MMP16: variants seen among roughly 807,000 people sequenced by gnomAD.
MMP16 encodes matrix metallopeptidase 16, also known as matrix metalloproteinase-16.
Under a neutral mutation model 67.8 loss-of-function variants are expected in MMP16, and 12 were observed. The ratio of observed to expected loss-of-function variants is 0.18; its 90% CI spans 0.11 to 0.29. MMP16 has a LOEUF of 0.29. MMP16 is among the 10% of genes least tolerant of loss of function. MMP16 has a pLI of 1.00. For missense variants in MMP16, 475 were observed against 765.7 expected, an observed-to-expected ratio of 0.62 and a Z score of 4.48; for synonymous variants, 249 against 255.9, an observed-to-expected ratio of 0.97 and a Z score of 0.26.
intron 3 of MMP16, among the ~76,000 whole-genome samples, chr8:88,175,535 T>C (rs1808873186): frequency 1.3e-5 from 2 of 152,322 alleles, no homozygotes; most frequent in South Asian, 4.1e-4. Flanking sequence ...CTCCATAGTC[T>C]TGTCAGCGCA....
chr8:88,104,282 A>G (rs1187250015), intron 6 of MMP16, among the ~76,000 whole-genome samples: 1 of 151,728 alleles, frequency 6.6e-6, no homozygotes, highest in Non-Finnish European at 1.5e-5. Flanking sequence ...CATAAAATCT[A>G]ATATTTTAAT....
intron 1 of MMP16, among the ~76,000 whole-genome samples, chr8:88,268,746 G>C (rs1349134837): frequency 6.6e-6 from 1 of 152,200 alleles, no homozygotes. Context: ...ACATCTATAC[G>C]GATGCACTGT....
chr8:88,186,349 T>TTAA (rs1174477571), intron 3 of MMP16, 127 bp downstream of exon 3: 119 of 1,258,584 alleles, frequency 9.5e-5, no homozygotes, highest in Non-Finnish European at 1.3e-4. Context: ...ATTTTAAATC[T>TTAA]CTTATGTTAA....
At chr8:88,235,250 G>C (rs568878822) in intron 1 of MMP16, among the ~76,000 whole-genome samples, 5 of 151,986 alleles carry the variant, frequency 3.3e-5, no homozygotes, top group Non-Finnish European at 7.4e-5. Context: ...AAATTAGCCA[G>C]GCATGGTGGT....
chr8:88,228,361 C>T (rs151028864), intron 1 of MMP16, among the ~76,000 whole-genome samples: 14 of 151,986 alleles, frequency 9.2e-5, no homozygotes, highest in South Asian at 4.2e-4. Context: ...AACTGCAGAA[C>T]GATTAAAATG....
chr8:88,260,246 A>C (rs1309963355), intron 1 of MMP16, among the ~76,000 whole-genome samples: 1 of 152,180 alleles, frequency 6.6e-6, no homozygotes, highest in African/African-American at 2.4e-5. Flanking sequence ...TGTCATTCCT[A>C]TGAAACAGTT....
chr8:88,210,745 CT>C (rs1563563313), intron 1 of MMP16, among the ~76,000 whole-genome samples: 3 of 152,070 alleles, frequency 2.0e-5, no homozygotes, highest in African/African-American at 7.2e-5. Flanking sequence ...AGGTTTTTAT[CT>C]TTGTCTTCTT....
chr8:88,090,856 T>C (rs942447054), intron 6 of MMP16, among the ~76,000 whole-genome samples: 3 of 151,800 alleles, frequency 2.0e-5, no homozygotes, highest in African/African-American at 7.2e-5. Context: ...TATAGAAAAA[T>C]AACACTGTTA....
At position 88,186,416 on chromosome 8, in the gene MMP16, G is replaced by T. The variant is rs976367025; in HGVS notation, c.404+60C>A. Reference sequence around the variant, plus strand: ...ACGTGCAGAAGATACTAAACTATGTGTCAAAACAAATAGTAATGAAATATG... The same window carrying T: ...ACGTGCAGAAGATACTAAACTATGTTTCAAAACAAATAGTAATGAAATATG... On this transcript the variant is annotated intron_variant, in intron 3 of 9. Transcript: ENST00000286614. 10 of 1,600,452 alleles carry T rather than the reference G, an allele frequency of 6.2e-6. No individual in the cohort carries two copies. The Admixed American group carries it at 1.3e-4, about 21-fold the overall frequency.
At chr8:88,063,607 G>A (rs1227508381) in intron 7 of MMP16, among the ~76,000 whole-genome samples, 3 of 151,368 alleles carry the variant, frequency 2.0e-5, no homozygotes, top group East Asian at 3.9e-4. Context: ...CAGATGTACC[G>A]GATCAGAAAA....
At chr8:88,279,553 T>C (rs1457356658) in intron 1 of MMP16, among the ~76,000 whole-genome samples, 2 of 152,170 alleles carry the variant, frequency 1.3e-5, no homozygotes, top group Non-Finnish European at 2.9e-5. Context: ...TGCATTGTTC[T>C]CATGTAGGAG....
chr8:88,048,048 G>A (rs572051238), intron 8 of MMP16, among the ~76,000 whole-genome samples: 2 of 152,262 alleles, frequency 1.3e-5, no homozygotes, highest in East Asian at 1.9e-4. Flanking sequence ...TTTTAAGCCC[G>A]ATTATCTGGA....
intron 1 of MMP16, among the ~76,000 whole-genome samples, chr8:88,228,075 A>C (rs1256097568): frequency 6.6e-6 from 1 of 152,064 alleles, no homozygotes; most frequent in Non-Finnish European, 1.5e-5. Flanking sequence ...ATTAAAACAA[A>C]ATACTGTTTT....
At chr8:88,258,867 G>A (rs1028373715) in intron 1 of MMP16, among the ~76,000 whole-genome samples, 1 of 152,140 alleles carries the variant, frequency 6.6e-6, no homozygotes, top group Non-Finnish European at 1.5e-5. Context: ...AAAATATTTG[G>A]TTGAGTTCTA....
chr8:88,157,432 G>A (rs930777549), intron 4 of MMP16, among the ~76,000 whole-genome samples: 16 of 150,736 alleles, frequency 1.1e-4, no homozygotes, highest in Non-Finnish European at 1.6e-4. Context: ...GAGTCCTCCC[G>A]TTCCCCAAAG....
At position 88,115,612 on chromosome 8, in the gene MMP16, T is replaced by C. The variant is rs28906369; in HGVS notation, c.1083+895A>G. On this transcript the variant is annotated intron_variant, in intron 6 of 9. Transcript: ENST00000286614. ...GGTGGACAGAAAATTACATAGACAG[T>C]ATGTAAGTAGAACAGCATTGGATTA... Among the ~76,000 whole-genome samples, 688 of 152,196 alleles carry C rather than the reference T, an allele frequency of 4.5e-3. 1 individual carries two copies. The highest frequency in any genetic ancestry group is 0.016 in the African/African-American group (650 of 41,554).
At chr8:88,077,879 C>T (rs1808677008) in intron 6 of MMP16, among the ~76,000 whole-genome samples, 1 of 152,086 alleles carries the variant, frequency 6.6e-6, no homozygotes, top group Non-Finnish European at 1.5e-5. Flanking sequence ...AAGTATGATA[C>T]TTAAAGGTCT....
At position 88,204,373 on chromosome 8, in the gene MMP16, A is replaced by T. The variant is rs28905768; in HGVS notation, c.133-7067T>A. Among the ~76,000 whole-genome samples the T allele has an allele frequency of 4.5e-3, 678 of 152,240 alleles. 9 individuals carry two copies. Among genetic ancestry groups the T allele is most frequent in the African/African-American group, 0.016 (650 of 41,554 alleles). ...CTTCTCCAGGATCCTGTGTGGTGTC[A>T]TTTTTGGCTATGACTATTTTTAAGA... On this transcript the variant is annotated intron_variant, in intron 1 of 9. Transcript: ENST00000286614.
chr8:88,051,071 C>T (rs1808264455), intron 8 of MMP16, among the ~76,000 whole-genome samples: 1 of 152,088 alleles, frequency 6.6e-6, no homozygotes, highest in Admixed American at 6.5e-5. Flanking sequence ...GGCTCAAACC[C>T]AAAGGTTGTC....
Sources: allele counts gnomAD v4.1 joint callset (sites outside exome capture counted in the v4.1 genomes callset), GRCh38; gene constraint gnomAD v4.1.1; transcripts MANE v1.5; gene names NCBI Gene and HGNC (gene_info 2026-07-23, HGNC 2026-07-21).